PRKG1: variants seen among roughly 807,000 people sequenced by gnomAD.
PRKG1 encodes cGMP-dependent protein kinase 1.
In PRKG1, 35 loss-of-function variants were observed where a neutral mutation model predicts 88.1. The ratio of observed to expected loss-of-function variants is 0.40; its 90% confidence interval spans 0.30 to 0.53. The LOEUF is 0.53. Among genes scored for constraint, PRKG1 ranks in the 20% least tolerant of loss-of-function variants. The pLI, the probability that PRKG1 is intolerant of heterozygous loss-of-function variation, is 0.59. For synonymous variants in PRKG1, 303 were observed against 292.5 expected, an observed-to-expected ratio of 1.04 and a Z score of -0.37; for missense variants, 540 against 839.8, an observed-to-expected ratio of 0.64 and a Z score of 4.41.
At chr10:51,057,693 G>A (rs1219541692) in intron 1 of PRKG1, among the ~76,000 whole-genome samples, 1 of 152,100 alleles carries the variant, frequency 6.6e-6, no homozygotes, top group Non-Finnish European at 1.5e-5. Context: ...GGTGTTGCTT[G>A]TAGCAATGTT....
intron 1 of PRKG1, among the ~76,000 whole-genome samples, chr10:50,993,505 C>A (rs1388814654): frequency 1.3e-5 from 2 of 152,216 alleles, no homozygotes; most frequent in Non-Finnish European, 2.9e-5. Context: ...CTGTGCATTC[C>A]GAGCGGCTGC....
intron 2 of PRKG1, among the ~76,000 whole-genome samples, chr10:51,167,386 C>T (rs1343266936): frequency 1.3e-5 from 2 of 152,150 alleles, no homozygotes; most frequent in Admixed American, 6.5e-5. Context: ...AAACATGAGG[C>T]CAGGTTGGAA....
At chr10:52,159,836 CT>C (rs1838232123) in intron 8 of PRKG1, among the ~76,000 whole-genome samples, 1 of 151,784 alleles carries the variant, frequency 6.6e-6, no homozygotes, top group African/African-American at 2.4e-5. Context: ...AACACAATCT[CT>C]TAATATATTG....
intron 2 of PRKG1, among the ~76,000 whole-genome samples, chr10:51,435,124 G>A (rs1375510130): frequency 6.6e-6 from 1 of 152,022 alleles, no homozygotes; most frequent in African/African-American, 2.4e-5. Context: ...ATAATGACTA[G>A]GGAGGAGTTT....
Position 52,175,867 on chromosome 10 carries a change from T to C in PRKG1, c.1076+13904T>C, listed in dbSNP as rs1838850940. Among the ~76,000 whole-genome samples, 3 of 152,312 alleles carry C rather than the reference T, an allele frequency of 2.0e-5. No individual in the cohort carries two copies. The South Asian group carries it at 6.2e-4, about 32-fold the overall frequency. On this transcript the variant is annotated intron_variant, in intron 9 of 17. Transcript: ENST00000373980. ...GTTTGGTTTTTGCTGTTGAGATGTT[T>C]GAGTTCCTTGTGTATTTTGGATAGT... is the stretch of plus-strand genomic sequence containing the variant.
intron 3 of PRKG1, among the ~76,000 whole-genome samples, chr10:51,546,881 T>C (rs2132121204): frequency 6.6e-6 from 1 of 152,222 alleles, no homozygotes; most frequent in Middle Eastern, 3.4e-3. Flanking sequence ...ATACTTTGCC[T>C]GCAAATTTTA....
chr10:51,903,030 AT>A (rs926043411), intron 4 of PRKG1, among the ~76,000 whole-genome samples: 26 of 152,134 alleles, frequency 1.7e-4, no homozygotes, highest in African/African-American at 6.0e-4. Flanking sequence ...CTTTAATAAA[AT>A]TTTTTGTACC....
chr10:51,157,512 G>T (rs1381645797), intron 2 of PRKG1, among the ~76,000 whole-genome samples: 1 of 151,828 alleles, frequency 6.6e-6, no homozygotes, highest in African/African-American at 2.4e-5. Context: ...TTATTATACA[G>T]ATAAACTTCA....
At chr10:51,424,788 C>T (rs293326) in intron 2 of PRKG1, among the ~76,000 whole-genome samples, 128,076 of 152,090 alleles carry the variant, frequency 0.84, 54,477 homozygotes, top group African/African-American at 0.92. Flanking sequence ...ATTAGACTAG[C>T]CACAGTAGCA....
At chr10:51,682,908 A>T (rs781676546) in intron 3 of PRKG1, among the ~76,000 whole-genome samples, 2 of 152,198 alleles carry the variant, frequency 1.3e-5, no homozygotes, top group Non-Finnish European at 2.9e-5. Context: ...CAAAAGGGTT[A>T]AAGAATATCA....
At chr10:52,166,789 A>ATATGTATATATATATATG (rs1838455154) in intron 9 of PRKG1, among the ~76,000 whole-genome samples, 1 of 12,812 alleles carries the variant, frequency 7.8e-5, no homozygotes, top group African/African-American at 1.2e-4. Flanking sequence ...AAAAAAGCCT[A>ATATGTATATATATATATG]TATATATACA....
chr10:51,197,362 T>C (rs973713462), intron 2 of PRKG1, among the ~76,000 whole-genome samples: 3 of 152,148 alleles, frequency 2.0e-5, no homozygotes, highest in Admixed American at 2.0e-4. Context: ...AACCTCTTTC[T>C]CCTGTGTTCA....
chr10:51,471,873 T>A (rs1168220129), intron 3 of PRKG1, among the ~76,000 whole-genome samples: 4 of 151,864 alleles, frequency 2.6e-5, no homozygotes, highest in African/African-American at 9.7e-5. Context: ...CCACAGAAAG[T>A]TATCTACAAA....
At chr10:51,737,058 A>G (rs1837298505) in intron 3 of PRKG1, among the ~76,000 whole-genome samples, 1 of 152,196 alleles carries the variant, frequency 6.6e-6, no homozygotes. Flanking sequence ...GATTATTTAC[A>G]AACAGGTATA....
At chr10:51,567,656 G>A (rs539879350) in intron 3 of PRKG1, among the ~76,000 whole-genome samples, 3 of 152,050 alleles carry the variant, frequency 2.0e-5, no homozygotes, top group African/African-American at 7.2e-5. Context: ...AGTTGATCTC[G>A]GCTCACTGGA....
intron 2 of PRKG1, among the ~76,000 whole-genome samples, chr10:51,285,568 A>C (rs1244564089): frequency 6.6e-6 from 1 of 152,198 alleles, no homozygotes; most frequent in Admixed American, 6.5e-5. Flanking sequence ...AGAGAGGGTA[A>C]TGTGTAGGTT....
At chr10:51,034,514 TA>T in intron 1 of PRKG1, among the ~76,000 whole-genome samples, 1 of 151,638 alleles carries the variant, frequency 6.6e-6, no homozygotes. Flanking sequence ...CCAAAATTCA[TA>T]AAATTGACTT....
intron 3 of PRKG1, among the ~76,000 whole-genome samples, chr10:51,681,509 A>G (rs76533315): frequency 1.8e-3 from 274 of 152,256 alleles, no homozygotes; most frequent in Non-Finnish European, 3.2e-3. Flanking sequence ...ATGTTAAAGA[A>G]TATACTCATT....
chr10:51,912,991 C>T (rs945136190), intron 5 of PRKG1, among the ~76,000 whole-genome samples: 5 of 151,996 alleles, frequency 3.3e-5, no homozygotes, highest in Admixed American at 1.3e-4. Context: ...TGTAGTGGTG[C>T]GATCTCAGCT....
Sources: allele counts gnomAD v4.1 joint callset (sites outside exome capture counted in the v4.1 genomes callset), GRCh38; gene constraint gnomAD v4.1.1; transcripts MANE v1.5; gene names NCBI Gene and HGNC (gene_info 2026-07-23, HGNC 2026-07-21).